Variants in MAML1 observed in about 807,000 individuals in gnomAD.
MAML1 encodes the protein mastermind like transcriptional coactivator 1, also known as mastermind-like protein 1.
MAML1 carries 14 observed loss-of-function variants against 77.1 expected under a neutral mutation model. That is an observed-to-expected ratio of 0.18 (90% CI 0.12 to 0.28). The LOEUF (loss-of-function observed/expected upper bound fraction) is 0.28. Among genes scored for constraint, MAML1 ranks in the 10% least tolerant of loss-of-function variants. MAML1 has a pLI of 1.00. For missense variants in MAML1, 1,217 were observed against 1,327.8 expected (o/e 0.92, Z 1.30); for synonymous variants, 516 against 551.9 (o/e 0.93, Z 0.91).
chr5:179,737,296 C>T (rs559667977), intron 1 of MAML1, among the ~76,000 whole-genome samples: 1 of 152,246 alleles, frequency 6.6e-6, no homozygotes, highest in South Asian at 2.1e-4. Flanking sequence ...TGCATTTGGA[C>T]TCCAAGTTAG....
In MAML1 at chr5:179,766,850, G is replaced by A; in HGVS notation, c.1731+109G>A. On this transcript the variant is annotated intron_variant, in intron 2 of 4. Transcript: ENST00000292599. This position sits in a 1 kb window ranked among gnomAD's most constrained non-coding sequence, Gnocchi z 4.0. ...GAGGTAGTTGTGGGAAGAGGGAGGAGGGAATAGCTGCTGTCATCCTTGCTC... is the reference window on the plus strand; with the variant it reads ...GAGGTAGTTGTGGGAAGAGGGAGGAAGGAATAGCTGCTGTCATCCTTGCTC... 1 of 824,366 alleles carries A rather than the reference G, an allele frequency of 1.2e-6. No individual in the cohort carries two copies. Among genetic ancestry groups the A allele is most frequent in the Non-Finnish European group, 1.8e-6 (1 of 553,308 alleles). 51.1% of individuals were successfully genotyped at this position (824,366 alleles called of 1,614,324 possible). A position where few individuals can be genotyped will look rare whatever the true frequency, so the allele number is the denominator to read the frequency against.
At chr5:179,748,681 G>T (rs889689414) in intron 1 of MAML1, among the ~76,000 whole-genome samples, 1 of 152,200 alleles carries the variant, frequency 6.6e-6, no homozygotes, top group South Asian at 2.1e-4. Flanking sequence ...GTGTACTTGT[G>T]CCTAGCACTA....
chr5:179,733,231 G>A lies in MAML1; in HGVS notation c.119G>A (p.Arg40His). The A allele has an allele frequency of 6.8e-7, 1 of 1,476,498 alleles. No homozygotes were observed. The highest frequency in any genetic ancestry group is 2.2e-5 in the Admixed American group (1 of 45,228). The allele number at this position is 1,476,498 out of a possible 1,614,324, so 91.5% of individuals were successfully genotyped here. ...CRRHHSTCEA[R>H]YEAVSPERLE... ...CGCCACCACAGCACCTGCGAGGCCCGCTACGAGGCCGTGTCGCCCGAGCGC... is the reference window on the plus strand; with the variant it reads ...CGCCACCACAGCACCTGCGAGGCCCACTACGAGGCCGTGTCGCCCGAGCGC... Residue 40 changes from arginine (R) to histidine (H), a missense_variant, in exon 1 of 5, where the codon CGC becomes CAC. By Grantham distance (29) the Arg-to-His change is conservative. Coordinates refer to ENST00000292599, the MANE Select transcript of MAML1 (RefSeq NM_014757.5).
intron 1 of MAML1, among the ~76,000 whole-genome samples, chr5:179,757,267 T>G (rs1779639718): frequency 6.6e-6 from 1 of 152,084 alleles, no homozygotes; most frequent in Non-Finnish European, 1.5e-5. Flanking sequence ...AAAGTTGGTA[T>G]TAGAATTATA....
At chr5:179,754,341 T>A (rs1188267686) in intron 1 of MAML1, among the ~76,000 whole-genome samples, 1 of 152,118 alleles carries the variant, frequency 6.6e-6, no homozygotes, top group African/African-American at 2.4e-5. Context: ...ACGCCTGCAG[T>A]CCTAGCCTTT....
intron 4 of MAML1, 77 bp from the exon 5 acceptor site, chr5:179,773,818 C>A: frequency 6.5e-7 from 1 of 1,531,910 alleles, no homozygotes; most frequent in East Asian, 2.3e-5. Context: ...CGTGAGACTT[C>A]TGGTGCTGCG....
At chr5:179,751,284 A>G (rs765480779) in intron 1 of MAML1, among the ~76,000 whole-genome samples, 19 of 152,100 alleles carry the variant, frequency 1.2e-4, no homozygotes, top group Admixed American at 2.0e-4. Flanking sequence ...GCTACTTTCT[A>G]TAGTTATACT....
chr5:179,744,760 C>T (rs916530108), intron 1 of MAML1, among the ~76,000 whole-genome samples: 3 of 152,186 alleles, frequency 2.0e-5, no homozygotes, highest in African/African-American at 7.2e-5. Context: ...GGTAATCCAC[C>T]GCGCCCAGCT....
At chr5:179,736,830 G>A (rs1470501580) in intron 1 of MAML1, among the ~76,000 whole-genome samples, 2 of 151,882 alleles carry the variant, frequency 1.3e-5, no homozygotes, top group Admixed American at 6.6e-5. Flanking sequence ...GGCATGTGGC[G>A]TGCGCCTGTG....
At chr5:179,749,110 C>T (rs1437222676) in intron 1 of MAML1, among the ~76,000 whole-genome samples, 1 of 151,870 alleles carries the variant, frequency 6.6e-6, no homozygotes, top group African/African-American at 2.4e-5. Flanking sequence ...GGATTACAGG[C>T]GCCTGCCACC....
chr5:179,767,633 A>T (rs1210380994), intron 2 of MAML1, among the ~76,000 whole-genome samples: 3 of 152,210 alleles, frequency 2.0e-5, no homozygotes, highest in Admixed American at 6.5e-5. Context: ...TGATAATTCC[A>T]CTTACTTCAG....
chr5:179,761,211 T>C (rs1779719956), intron 1 of MAML1, among the ~76,000 whole-genome samples: 1 of 149,866 alleles, frequency 6.7e-6, no homozygotes, highest in Non-Finnish European at 1.5e-5. Flanking sequence ...CTGGACAACA[T>C]AGTGAGACTC....
At chr5:179,753,208 TGTGTGTGTGTGTGTGC>T (rs1342032472) in intron 1 of MAML1, among the ~76,000 whole-genome samples, 2,281 of 119,624 alleles carry the variant, frequency 0.019, 70 homozygotes, top group African/African-American at 0.061. Context: ...TGTGTGTGTG[TGTGTGTGTGTGTGTGC>T]GCGCGCGCGC....
At chr5:179,751,121 A>G (rs970628608) in intron 1 of MAML1, among the ~76,000 whole-genome samples, 5 of 152,098 alleles carry the variant, frequency 3.3e-5, no homozygotes, top group African/African-American at 1.2e-4. Flanking sequence ...CTACAGGCGC[A>G]CACCACGATG....
intron 1 of MAML1, among the ~76,000 whole-genome samples, chr5:179,752,657 A>G (rs1277978785): frequency 4.2e-5 from 5 of 119,916 alleles, no homozygotes; most frequent in Non-Finnish European, 7.9e-5. Flanking sequence ...CCCAGGCTGG[A>G]GTGCAGTGGC....
At chr5:179,736,813 T>C (rs756839274) in intron 1 of MAML1, among the ~76,000 whole-genome samples, 8 of 151,676 alleles carry the variant, frequency 5.3e-5, no homozygotes, top group Non-Finnish European at 1.2e-4. Flanking sequence ...AATACAAAAA[T>C]TAGCTGGGCA....
intron 1 of MAML1, among the ~76,000 whole-genome samples, chr5:179,758,649 C>CA (rs1338247295): frequency 2.6e-5 from 4 of 152,160 alleles, no homozygotes; most frequent in Admixed American, 2.0e-4. Context: ...CTTATCCTCC[C>CA]AAAGTGCTAG....
At chr5:179,773,052 T>C (rs948953333) in intron 4 of MAML1, among the ~76,000 whole-genome samples, 8 of 152,160 alleles carry the variant, frequency 5.3e-5, no homozygotes, top group Non-Finnish European at 5.9e-5. Flanking sequence ...GCCTGGCTAA[T>C]TTTTGTATTT....
At chr5:179,744,152 A>T (rs530494822) in intron 1 of MAML1, among the ~76,000 whole-genome samples, 2 of 152,222 alleles carry the variant, frequency 1.3e-5, no homozygotes, top group Non-Finnish European at 2.9e-5. Flanking sequence ...ATTCTAGCAC[A>T]TTTCTTTGCA....
Sources: gnomAD v4.1 joint callset for allele counts (sites outside exome capture counted in the v4.1 genomes callset) on GRCh38, gnomAD v4.1.1 for gene constraint, Gnocchi (gnomAD v3.1) non-coding constraint, MANE v1.5 for transcripts, NCBI Gene and HGNC (gene_info 2026-07-23, HGNC 2026-07-21) for gene names.